Variants in LRRC8A observed in about 807,000 individuals in gnomAD.
LRRC8A encodes leucine rich repeat containing 8 VRAC subunit A, also known as volume-regulated anion channel subunit LRRC8A.
A neutral mutation model predicts 52.5 loss-of-function variants in LRRC8A; 24 were observed. That is an observed-to-expected ratio of 0.46 (90% CI 0.33 to 0.64). The LOEUF is 0.64. Among genes scored for constraint, LRRC8A ranks in the 30% least tolerant of loss-of-function variants. The pLI is 0.02. For missense variants in LRRC8A, 677 were observed against 1,094.7 expected, an observed-to-expected ratio of 0.62 and a Z score of 5.38; for synonymous variants, 492 against 494.2, an observed-to-expected ratio of 1.00 and a Z score of 0.06.
Position 128,916,119 on chromosome 9 carries a change from C to T in LRRC8A, c.2181C>T (p.Leu727=). The change falls in exon 4 of 4, where the codon CTC becomes CTT. Residue 727 remains leucine, a synonymous_variant. Transcript: ENST00000372600. The surrounding 1 kb of genome is among the most constrained non-coding windows in gnomAD (Gnocchi z 6.1). ...AGATCGAGACGCTCCCTCCGGAGCT[C>T]TTCCAGTGCCGGAAGCTGCGGGCCC... ...ANRIETLPPE[L]FQCRKLRALH... is the part of the protein sequence containing the mutation. 1 of 1,611,480 alleles carries T rather than the reference C, an allele frequency of 6.2e-7. No homozygotes were observed. The highest frequency in any genetic ancestry group is 2.2e-5 in the East Asian group (1 of 44,820).
chr9:128,908,220 G>GT lies in LRRC8A; in HGVS notation c.1059dup (p.Glu354Ter). 1 of 1,614,086 alleles carries GT rather than the reference G, an allele frequency of 6.2e-7. No homozygotes were observed. Among genetic ancestry groups the GT allele is most frequent in the Non-Finnish European group, 8.5e-7 (1 of 1,180,026 alleles). ...TACGGCGCTCCCTCAAGAAGTACTC[G>GT]TTTGAGTCGATCCGTGAGGAGAGCA... is the stretch of plus-strand genomic sequence containing the variant. On this transcript the variant is annotated frameshift_variant, in exon 3 of 4. Coordinates refer to ENST00000372600, the MANE Select transcript of LRRC8A (RefSeq NM_019594.4). LOFTEE classifies it high-confidence loss of function.
At chr9:128,915,600 C>T (rs1277490455) in intron 3 of LRRC8A, among the ~76,000 whole-genome samples, 5 of 152,242 alleles carry the variant, frequency 3.3e-5, no homozygotes, top group Non-Finnish European at 7.3e-5. Context: ...GCTGGGATTA[C>T]AGGCGTGAGC....
rs781029109 is a variant in LRRC8A at position 128,907,515 on chromosome 9, A to C, written c.351A>C (p.Arg117=). ...TGGACGCTGTGTGCTATGAGAACCGACTGCACTGGTTTGCCAAGTACTTCC... is the reference window on the plus strand; with the variant it reads ...TGGACGCTGTGTGCTATGAGAACCGCCTGCACTGGTTTGCCAAGTACTTCC... ...NYVDAVCYEN[R]LHWFAKYFPY... The change falls in exon 3 of 4, where the codon CGA becomes CGC. Residue 117 remains arginine (R), a synonymous_variant. Transcript: ENST00000372600. This position sits in a 1 kb window ranked among gnomAD's most constrained non-coding sequence, Gnocchi z 9.3. 1.2e-6 allele frequency: 2 copies of C among 1,614,080 alleles called. No individual in the cohort carries two copies. The highest frequency in any genetic ancestry group is 1.7e-6 in the Non-Finnish European group (2 of 1,180,014).
rs1329565979 is a variant in LRRC8A, at chr9:128,892,145, G to A, written c.-9+6024G>A. 3.9e-5 allele frequency among the ~76,000 whole-genome samples: 6 copies of A among 152,208 alleles called. No homozygotes were observed. The highest frequency in any genetic ancestry group is 5.9e-5 in the Non-Finnish European group (4 of 68,036). On this transcript the variant is annotated intron_variant, in intron 2 of 3. Transcript: ENST00000372600. The surrounding 1 kb of genome is among the most constrained non-coding windows in gnomAD (Gnocchi z 5.2). ...CAGCGAGGTGAAGGGACTTTCTCAC[G>A]GTCTCGTGGTGAGGTGGGTGCCACC...
At position 128,892,854 on chromosome 9, in the gene LRRC8A, A is replaced by G. The variant is rs4837328; in HGVS notation, c.-9+6733A>G. On this transcript the variant is annotated intron_variant, in intron 2 of 3. Transcript: ENST00000372600. This position sits in a 1 kb window ranked among gnomAD's most constrained non-coding sequence, Gnocchi z 5.2. ...CATCTCTGGTACAGGAGGGGTGCCA[A>G]CCTCCCGCCTCCCCTCCTGCTTGGG... is the stretch of plus-strand genomic sequence containing the variant. Among the ~76,000 whole-genome samples the G allele has an allele frequency of 1, 151,568 of 152,264 alleles. 75,445 individuals carry two copies. Among genetic ancestry groups the G allele is most frequent in the Middle Eastern group, 1 (294 of 294 alleles).
rs533184737 is a variant in LRRC8A, at chr9:128,917,830, T to G, written c.*1459T>G. ...GGGTCCCCGCCTTAGATCAATCACG[T>G]GGACACTAAGGCACGTTTTAGAGTC... On this transcript the variant is annotated 3_prime_UTR_variant, in exon 4 of 4. Coordinates refer to ENST00000372600, the MANE Select transcript of LRRC8A (RefSeq NM_019594.4). 7 of 152,824 alleles carry G rather than the reference T, an allele frequency of 4.6e-5. No individual in the cohort carries two copies. The highest frequency in any genetic ancestry group is 7.3e-5 in the Non-Finnish European group (5 of 68,042). 9.5% of individuals were successfully genotyped at this position (152,824 alleles called of 1,614,324 possible). A position where few individuals can be genotyped will look rare whatever the true frequency, so the allele number is the denominator to read the frequency against.
chr9:128,907,581 C>A lies in LRRC8A; in HGVS notation c.417C>A (p.Cys139Ter). The A allele has an allele frequency of 6.2e-7, 1 of 1,614,176 alleles. No homozygotes were observed. Among genetic ancestry groups the A allele is most frequent in the East Asian group, 2.2e-5 (1 of 44,886 alleles). ...TGCACACGCTCATCTTCCTGGCCTGCAGCAACTTCTGGTTCAAATTCCCGC... is the reference window on the plus strand; with the variant it reads ...TGCACACGCTCATCTTCCTGGCCTGAAGCAACTTCTGGTTCAAATTCCCGC... Reference protein sequence around the residue: ...VLLHTLIFLACSNFWFKFPRT... With the variant: ...VLLHTLIFLA The change falls in exon 3 of 4, where the codon TGC (cysteine) becomes TGA (stop). Residue 139 changes from cysteine (C) to a stop codon, truncating the protein, a stop_gained. Transcript: ENST00000372600. LOFTEE classifies it high-confidence loss of function. This position sits in a 1 kb window ranked among gnomAD's most constrained non-coding sequence, Gnocchi z 9.3.
At chr9:128,898,022 C>T (rs1839885752) in intron 2 of LRRC8A, among the ~76,000 whole-genome samples, 1 of 140,552 alleles carries the variant, frequency 7.1e-6, no homozygotes, top group African/African-American at 2.7e-5. Flanking sequence ...AGTCTAACCT[C>T]ACTTCTAAGA....
chr9:128,886,346 CCT>C (rs1253626944), intron 2 of LRRC8A, among the ~76,000 whole-genome samples: 3 of 152,210 alleles, frequency 2.0e-5, no homozygotes, highest in South Asian at 4.1e-4. Flanking sequence ...TCATTGCAAA[CCT>C]CTGTTTTTTC....
intron 2 of LRRC8A, among the ~76,000 whole-genome samples, chr9:128,901,369 C>T (rs1299753587): frequency 1.3e-5 from 2 of 151,982 alleles, no homozygotes; most frequent in African/African-American, 4.8e-5. Flanking sequence ...GAGGCTGAGT[C>T]AGGGGAATTA....
At position 128,892,291 on chromosome 9, in the gene LRRC8A, C is replaced by T. The variant is rs562122856; in HGVS notation, c.-9+6170C>T. On this transcript the variant is annotated intron_variant, in intron 2 of 3. Coordinates refer to ENST00000372600, the MANE Select transcript of LRRC8A (RefSeq NM_019594.4). This position sits in a 1 kb window ranked among gnomAD's most constrained non-coding sequence, Gnocchi z 5.2. ...GGCGAGGGCAGGTCCTGAGGCTGCA[C>T]CTCCAGCCCCACCTGCTGCCTCTCT... is the stretch of plus-strand genomic sequence containing the variant. Among the ~76,000 whole-genome samples, 3 of 152,310 alleles carry T rather than the reference C, an allele frequency of 2.0e-5. No individual in the cohort carries two copies. Among genetic ancestry groups the T allele is most frequent in the African/African-American group, 7.2e-5 (3 of 41,566 alleles).
rs778590498 is a variant in LRRC8A at position 128,908,266 on chromosome 9, G to T, written c.1102G>T (p.Val368Phe). 1.2e-6 allele frequency: 2 copies of T among 1,614,128 alleles called. No individual in the cohort carries two copies. Among genetic ancestry groups the T allele is most frequent in the Middle Eastern group, 1.6e-4 (1 of 6,062 alleles). ...EESSYSDIPD[V>F]KNDFAFMLHL... The stretch of plus-strand genomic sequence containing the variant: ...GAGCAGCTACAGCGACATCCCCGAC[G>T]TCAAGAACGACTTCGCCTTCATGCT... The change falls in exon 3 of 4, where the codon GTC becomes TTC. Residue 368 changes from valine to phenylalanine, a missense_variant. By Grantham distance (50) the Val-to-Phe change is conservative. Around this residue, in one of 4 missense-constraint regions of LRRC8A, gnomAD observed 422 missense variants for 741.5 expected, o/e 0.57. Transcript: ENST00000372600.
intron 2 of LRRC8A, among the ~76,000 whole-genome samples, chr9:128,889,625 G>C (rs952967351): frequency 1.3e-5 from 2 of 151,948 alleles, no homozygotes; most frequent in African/African-American, 2.4e-5. Flanking sequence ...CTCCCGAGTA[G>C]CTGGGACTAC....
intron 2 of LRRC8A, among the ~76,000 whole-genome samples, chr9:128,901,800 G>A (rs1324614820): frequency 6.6e-6 from 1 of 152,178 alleles, no homozygotes. Context: ...GCCTGCCCCT[G>A]TAGGGGGCAG....
rs776287693 is a variant in LRRC8A, at chr9:128,909,117, C to T, written c.1953C>T (p.Ile651=). 9.3e-6 allele frequency: 15 copies of T among 1,614,166 alleles called. No homozygotes were observed. In the East Asian group the frequency reaches 1.1e-4, roughly 12 times the overall value. Residue 651 remains isoleucine (I), a synonymous_variant, in exon 3 of 4, where the codon ATC becomes ATT. Coordinates refer to ENST00000372600, the MANE Select transcript of LRRC8A (RefSeq NM_019594.4). ...LTCLKLWYNH[I]AYIPIQIGNL... is the part of the protein sequence containing the mutation. Reference sequence around the variant, plus strand: ...GCCTTAAGCTGTGGTACAACCACATCGCCTACATCCCCATCCAGATCGGCA... The same window carrying T: ...GCCTTAAGCTGTGGTACAACCACATTGCCTACATCCCCATCCAGATCGGCA...
chr9:128,893,259 G>A (rs1839695675), intron 2 of LRRC8A, among the ~76,000 whole-genome samples: 2 of 152,142 alleles, frequency 1.3e-5, no homozygotes, highest in African/African-American at 4.8e-5. Context: ...CCTGCTCAGA[G>A]ACATGGTGCT....
intron 2 of LRRC8A, among the ~76,000 whole-genome samples, chr9:128,898,144 T>A (rs1839894124): frequency 6.6e-6 from 1 of 152,070 alleles, no homozygotes. Flanking sequence ...GAACATTTCC[T>A]CTTGTTATCA....
At position 128,907,068 on chromosome 9, in the gene LRRC8A, A is replaced by G; in HGVS notation, c.-8-89A>G. On this transcript the variant is annotated intron_variant, in intron 2 of 3. Coordinates refer to ENST00000372600, the MANE Select transcript of LRRC8A (RefSeq NM_019594.4). The surrounding 1 kb of genome is among the most constrained non-coding windows in gnomAD (Gnocchi z 9.3). ...TTGAGGTGGAATTTTGGACAATGGA[A>G]GAATTTTCATTGTCTTCTTCCCCTG... 3 of 1,126,276 alleles carry G rather than the reference A, an allele frequency of 2.7e-6. No individual in the cohort carries two copies. The highest frequency in any genetic ancestry group is 3.8e-6 in the Non-Finnish European group (3 of 788,064). 69.8% of individuals were successfully genotyped at this position (1,126,276 alleles called of 1,614,324 possible).
chr9:128,912,264 G>A (rs905362161), intron 3 of LRRC8A, among the ~76,000 whole-genome samples: 1 of 152,166 alleles, frequency 6.6e-6, no homozygotes, highest in Non-Finnish European at 1.5e-5. Context: ...ATCCAGCTAT[G>A]GAGCAAGGCG....
Sources: gnomAD v4.1 joint callset for allele counts (sites outside exome capture counted in the v4.1 genomes callset) on GRCh38, gnomAD v4.1.1 for gene constraint, gnomAD v4.1.1 regional missense constraint, Gnocchi (gnomAD v3.1) non-coding constraint, MANE v1.5 for transcripts, NCBI Gene and HGNC (gene_info 2026-07-23, HGNC 2026-07-21) for gene names.